Variants in TNC observed in about 807,000 individuals in gnomAD.
The protein encoded by TNC is tenascin C, also known as tenascin.
TNC carries 109 observed loss-of-function variants against 202.4 expected under a neutral mutation model. The observed-to-expected ratio is 0.54, with a 90% CI of 0.46 to 0.63. The LOEUF is 0.63. Among genes scored for constraint, TNC ranks in the 30% least tolerant of loss-of-function variants. The pLI is 0.00. For synonymous variants in TNC, 1,007 were observed against 1,089.7 expected, an observed-to-expected ratio of 0.92 and a Z score of 1.50; for missense variants, 2,756 against 2,833.3, an observed-to-expected ratio of 0.97 and a Z score of 0.62.
intron 8 of TNC, 25 bp from the exon 9 acceptor site, chr9:115,076,146 G>A: frequency 2.5e-6 from 4 of 1,602,732 alleles, no homozygotes; most frequent in Non-Finnish European, 3.4e-6. Context: ...TGCAAGTTGA[G>A]ATTCATCCTG....
At chr9:115,046,758 A>AG in intron 16 of TNC, 76 bp from the exon 17 acceptor site, 1 of 1,545,680 alleles carries the variant, frequency 6.5e-7, no homozygotes. Context: ...TCTCTCCAGT[A>AG]GGGGTATCAA....
intron 15 of TNC, among the ~76,000 whole-genome samples, chr9:115,050,079 G>A (rs1831530761): frequency 6.6e-6 from 1 of 152,138 alleles, no homozygotes; most frequent in Non-Finnish European, 1.5e-5. Context: ...TGAGAGACAA[G>A]GGTCTCGAAT....
chr9:115,061,651 G>A (rs1832555216), intron 13 of TNC, among the ~76,000 whole-genome samples: 1 of 152,162 alleles, frequency 6.6e-6, no homozygotes, highest in Non-Finnish European at 1.5e-5. Flanking sequence ...GAAAACAATT[G>A]TTTTGAATTG....
chr9:115,086,122 G>A lies in TNC; in HGVS notation c.1609C>T (p.His537Tyr). The A allele has an allele frequency of 1.2e-6, 2 of 1,613,762 alleles. No homozygotes were observed. Among genetic ancestry groups the A allele is most frequent in the African/African-American group, 2.7e-5 (2 of 75,012 alleles). The change falls in exon 3 of 28, where the codon CAT becomes TAT. Residue 537 changes from histidine (H) to tyrosine (Y), a missense_variant. Transcript: ENST00000350763. ...CCATTCACACAGCGACCCTGGCCAT[G>A]GCAGTCATTTGGACAGGAGAGTTCT... Reference protein sequence around the residue: ...CAELSCPNDCHGQGRCVNGQC... With the variant: ...CAELSCPNDCYGQGRCVNGQC...
intron 19 of TNC, among the ~76,000 whole-genome samples, chr9:115,039,109 C>T (rs1297121206): frequency 1.3e-5 from 2 of 151,986 alleles, no homozygotes; most frequent in East Asian, 1.9e-4. Flanking sequence ...GGATTACAGG[C>T]GTGAGTCACC....
intron 6 of TNC, among the ~76,000 whole-genome samples, chr9:115,078,720 T>A (rs891545160): frequency 1.8e-4 from 28 of 152,208 alleles, no homozygotes; most frequent in African/African-American, 6.8e-4. Flanking sequence ...TTATTTTTGA[T>A]AGAAAGAATT....
chr9:115,062,086 T>C (rs118078975), intron 13 of TNC, among the ~76,000 whole-genome samples: 1,592 of 152,332 alleles, frequency 0.01, 10 homozygotes, highest in Non-Finnish European at 0.017. Flanking sequence ...AAAGTTCTGA[T>C]CTTATTTTTG....
chr9:115,027,859 G>A (rs1564404240), intron 25 of TNC, among the ~76,000 whole-genome samples: 1 of 152,074 alleles, frequency 6.6e-6, no homozygotes, highest in Non-Finnish European at 1.5e-5. Context: ...AAACCACTCA[G>A]TCTTTTTGAG....
rs547986702 is a variant in TNC, at chr9:115,053,143, G to A, written c.4579+4010C>T. 14 of 609,972 alleles carry A rather than the reference G, an allele frequency of 2.3e-5. No homozygotes were observed. The South Asian group carries it at 2.3e-4, about 10-fold the overall frequency. 37.8% of individuals were successfully genotyped at this position (609,972 alleles called of 1,614,324 possible). A position where few individuals can be genotyped will look rare whatever the true frequency, so the allele number is the denominator to read the frequency against. On this transcript the variant is annotated intron_variant, in intron 15 of 27. Transcript: ENST00000350763. The stretch of plus-strand genomic sequence containing the variant: ...CAAATACATACAGAAGAGACAGTAT[G>A]TTAGGCTGTGTCTACACCTGCATTG...
chr9:115,070,394 G>A (rs1833375067), intron 10 of TNC, among the ~76,000 whole-genome samples: 1 of 152,184 alleles, frequency 6.6e-6, no homozygotes, highest in South Asian at 2.1e-4. Context: ...AAAGCTTAAG[G>A]AACAGTGTGA....
At chr9:115,111,399 C>CTTTTTTTTTTTTTTTTTTT (rs71375272) in intron 1 of TNC, among the ~76,000 whole-genome samples, 3 of 71,342 alleles carry the variant, frequency 4.2e-5, no homozygotes, top group East Asian at 6.5e-4. Context: ...CTCTCTCTCT[C>CTTTTTTTTTTTTTTTTTTT]TTTTTTTTTT....
intron 1 of TNC, among the ~76,000 whole-genome samples, chr9:115,095,148 T>A (rs1835543071): frequency 6.6e-6 from 1 of 152,018 alleles, no homozygotes; most frequent in African/African-American, 2.4e-5. Context: ...AGTACTGTCA[T>A]CAATAAATGT....
intron 1 of TNC, among the ~76,000 whole-genome samples, chr9:115,117,062 G>T (rs1234142105): frequency 6.6e-6 from 1 of 152,158 alleles, no homozygotes; most frequent in Non-Finnish European, 1.5e-5. Flanking sequence ...GACAGCAGAC[G>T]CTATTGTCCC....
At chr9:115,091,773 C>T (rs1210292376) in intron 1 of TNC, among the ~76,000 whole-genome samples, 1 of 152,234 alleles carries the variant, frequency 6.6e-6, no homozygotes, top group Non-Finnish European at 1.5e-5. Flanking sequence ...AGCCGAGCTT[C>T]TTACTAGTTA....
rs1203217120 is a variant in TNC at position 115,087,702 on chromosome 9, T to TC, written c.458-430_458-429insG. Among the ~76,000 whole-genome samples, 2,808 of 127,062 alleles carry TC rather than the reference T, an allele frequency of 0.022. 233 individuals carry two copies. The East Asian group carries it at 0.35, about 16-fold the overall frequency. 83.4% of individuals were successfully genotyped at this position (127,062 alleles called of 152,430 possible). A position where few individuals can be genotyped will look rare whatever the true frequency, so the allele number is the denominator to read the frequency against. ...ATGTTACTATTTCTTTCTTTTCTTT[T>TC]TTTTTTTTTTTTTTTTTGAGACAGA... On this transcript the variant is annotated intron_variant, in intron 2 of 27. Coordinates refer to ENST00000350763, the MANE Select transcript of TNC (RefSeq NM_002160.4).
chr9:115,083,643 T>C (rs1291784493), intron 4 of TNC, among the ~76,000 whole-genome samples: 1 of 147,414 alleles, frequency 6.8e-6, no homozygotes, highest in Non-Finnish European at 1.5e-5. Flanking sequence ...TCTCAATCTG[T>C]CACCCAGGCT....
intron 1 of TNC, among the ~76,000 whole-genome samples, chr9:115,113,383 T>C (rs773782844): frequency 9.9e-5 from 15 of 152,218 alleles, no homozygotes; most frequent in Non-Finnish European, 7.3e-5. Context: ...CATATTTGAA[T>C]AGGGTGGGTG....
At chr9:115,082,355 C>T (rs1834367187) in intron 5 of TNC, among the ~76,000 whole-genome samples, 1 of 152,170 alleles carries the variant, frequency 6.6e-6, no homozygotes, top group Non-Finnish European at 1.5e-5. Context: ...AGAAGGGTTG[C>T]TCAAATCTGA....
intron 1 of TNC, among the ~76,000 whole-genome samples, chr9:115,096,959 G>C (rs1835843633): frequency 6.6e-6 from 1 of 152,112 alleles, no homozygotes; most frequent in Admixed American, 6.5e-5. Context: ...GTCTCTTTCT[G>C]TCTGCTTCAG....
Sources: allele counts gnomAD v4.1 joint callset (sites outside exome capture counted in the v4.1 genomes callset), GRCh38; gene constraint gnomAD v4.1.1; transcripts MANE v1.5; gene names NCBI Gene and HGNC (gene_info 2026-07-23, HGNC 2026-07-21).